The following LHFPL3 variants were observed in gnomAD, a reference collection of about 807,000 sequenced individuals.
LHFPL3 encodes LHFPL tetraspan subfamily member 3 protein.
In LHFPL3, 5 loss-of-function variants were observed where a neutral mutation model predicts 19.3. The ratio of observed to expected loss-of-function variants is 0.26; its 90% CI spans 0.14 to 0.54. LHFPL3 has a LOEUF of 0.54. Among genes scored for constraint, LHFPL3 ranks in the 20% least tolerant of loss-of-function variants. The pLI is 0.94. For missense variants in LHFPL3, 249 were observed against 307.4 expected, an observed-to-expected ratio of 0.81 and a Z score of 1.42; for synonymous variants, 133 against 126.2, an observed-to-expected ratio of 1.05 and a Z score of -0.36.
At chr7:104,812,729 A>G (rs1224979296) in intron 2 of LHFPL3, among the ~76,000 whole-genome samples, 1 of 144,358 alleles carries the variant, frequency 6.9e-6, no homozygotes, top group East Asian at 2.4e-4. Context: ...ACTTGAACCC[A>G]GGAAGCAGAG....
At chr7:104,552,461 A>C (rs1250816690) in intron 1 of LHFPL3, among the ~76,000 whole-genome samples, 2 of 152,110 alleles carry the variant, frequency 1.3e-5, no homozygotes, top group African/African-American at 2.4e-5. Flanking sequence ...GCTATTTGAG[A>C]CCTTCTAATC....
intron 1 of LHFPL3, among the ~76,000 whole-genome samples, chr7:104,632,683 C>A (rs1177152675): frequency 6.6e-6 from 1 of 152,192 alleles, no homozygotes; most frequent in African/African-American, 2.4e-5. Flanking sequence ...GAGACAGGTT[C>A]TTGCTCCTGT....
intron 2 of LHFPL3, among the ~76,000 whole-genome samples, chr7:104,770,144 T>C (rs1794527210): frequency 6.6e-6 from 1 of 152,070 alleles, no homozygotes; most frequent in Admixed American, 6.6e-5. Context: ...ATACACTGTA[T>C]CTCTTACAGA....
chr7:104,448,946 T>C (rs1199015490), intron 1 of LHFPL3, among the ~76,000 whole-genome samples: 1 of 152,234 alleles, frequency 6.6e-6, no homozygotes, highest in East Asian at 1.9e-4. Context: ...TGTGCACTGA[T>C]GATAGTGTGC....
At chr7:104,807,828 T>C (rs777347456) in intron 2 of LHFPL3, among the ~76,000 whole-genome samples, 3 of 152,254 alleles carry the variant, frequency 2.0e-5, no homozygotes, top group Admixed American at 1.3e-4. Flanking sequence ...ACTGAACGTC[T>C]AAAGCACACT....
intron 2 of LHFPL3, among the ~76,000 whole-genome samples, chr7:104,776,169 C>G (rs751692425): frequency 4.6e-5 from 7 of 152,194 alleles, no homozygotes; most frequent in Non-Finnish European, 1.0e-4. Context: ...GGCTAGGAAG[C>G]AAGTCACTCT....
rs1584327906 is a variant in LHFPL3, at chr7:104,450,526, G to C, written c.445+121302G>C. ...CTCGTAAGTGGGAGTTGAACAATGA[G>C]AACATATGGACACAGGGAGGGGAAC... On this transcript the variant is annotated intron_variant, in intron 1 of 2. Coordinates refer to ENST00000424859, the MANE Select transcript of LHFPL3 (RefSeq NM_199000.3). Among the ~76,000 whole-genome samples, 3 of 151,932 alleles carry C rather than the reference G, an allele frequency of 2.0e-5. No individual in the cohort carries two copies. The East Asian group carries it at 5.8e-4, about 29-fold the overall frequency.
intron 2 of LHFPL3, among the ~76,000 whole-genome samples, chr7:104,860,074 A>G (rs969279439): frequency 3.3e-5 from 5 of 152,094 alleles, no homozygotes; most frequent in African/African-American, 1.2e-4. Flanking sequence ...TTGGCTTAAG[A>G]AATAAAGTAC....
At chr7:104,837,970 TAACA>T (rs1295021583) in intron 2 of LHFPL3, among the ~76,000 whole-genome samples, 1 of 152,242 alleles carries the variant, frequency 6.6e-6, no homozygotes, top group Non-Finnish European at 1.5e-5. Flanking sequence ...CATGTTATAT[TAACA>T]AACAATTATA....
chr7:104,890,747 C>A (rs967418648), intron 2 of LHFPL3, among the ~76,000 whole-genome samples: 1 of 152,190 alleles, frequency 6.6e-6, no homozygotes, highest in Non-Finnish European at 1.5e-5. Context: ...CCAGTGAGGA[C>A]CATCTTTGTG....
At chr7:104,852,950 T>C (rs981891958) in intron 2 of LHFPL3, among the ~76,000 whole-genome samples, 6 of 151,802 alleles carry the variant, frequency 4.0e-5, no homozygotes, top group African/African-American at 1.5e-4. Flanking sequence ...CTGCTTTCCC[T>C]GTGCCTGCCC....
At chr7:104,358,957 GCTA>G (rs1206204655) in intron 1 of LHFPL3, among the ~76,000 whole-genome samples, 1 of 152,190 alleles carries the variant, frequency 6.6e-6, no homozygotes, top group Non-Finnish European at 1.5e-5. Context: ...CAAATGTGTT[GCTA>G]CTGACAGACA....
intron 2 of LHFPL3, among the ~76,000 whole-genome samples, chr7:104,805,203 C>G (rs1002448543): frequency 6.6e-6 from 1 of 152,230 alleles, no homozygotes; most frequent in Non-Finnish European, 1.5e-5. Flanking sequence ...ACAGATTCCT[C>G]AGGACTTAAC....
intron 1 of LHFPL3, among the ~76,000 whole-genome samples, chr7:104,689,491 G>A (rs527464108): frequency 6.6e-6 from 1 of 152,162 alleles, no homozygotes; most frequent in Non-Finnish European, 1.5e-5. Flanking sequence ...GAGAACCACA[G>A]CCCCTCAGTC....
intron 1 of LHFPL3, among the ~76,000 whole-genome samples, chr7:104,572,525 ATTCT>A (rs1790248505): frequency 6.6e-6 from 1 of 152,162 alleles, no homozygotes; most frequent in Admixed American, 6.6e-5. Context: ...CAGTGGGAAC[ATTCT>A]TAATAATAGT....
intron 1 of LHFPL3, among the ~76,000 whole-genome samples, chr7:104,527,646 C>G (rs2115833363): frequency 6.6e-6 from 1 of 152,188 alleles, no homozygotes; most frequent in East Asian, 1.9e-4. Flanking sequence ...TGAGAAAGGA[C>G]TAGGTGGAGT....
chr7:104,836,349 C>CTGAT (rs1035365666), intron 2 of LHFPL3, among the ~76,000 whole-genome samples: 6 of 152,140 alleles, frequency 3.9e-5, no homozygotes, highest in African/African-American at 9.7e-5. Context: ...GGAGGGACAT[C>CTGAT]TGATTTACAT....
chr7:104,429,490 T>G (rs919340208), intron 1 of LHFPL3, among the ~76,000 whole-genome samples: 7 of 151,428 alleles, frequency 4.6e-5, no homozygotes, highest in East Asian at 1.9e-4. Flanking sequence ...GTTTTGTTTT[T>G]TTTTTAGTAG....
rs1792444190 is a variant in LHFPL3, at chr7:104,670,118, G to A, written c.446-66557G>A. On this transcript the variant is annotated intron_variant, in intron 1 of 2. Transcript: ENST00000424859. ...CTCTTATTTAATTCTGAGTTTTGGG[G>A]GACAGCCTAGAGGGAATTCCTTTTT... Among the ~76,000 whole-genome samples the A allele has an allele frequency of 2.6e-5, 4 of 151,404 alleles. No individual in the cohort carries two copies. The South Asian group carries it at 8.4e-4, about 32-fold the overall frequency.
Sources: allele counts gnomAD v4.1 joint callset (sites outside exome capture counted in the v4.1 genomes callset), GRCh38; gene constraint gnomAD v4.1.1; transcripts MANE v1.5; gene names NCBI Gene and HGNC (gene_info 2026-07-23, HGNC 2026-07-21).